The following CLEC12A variants were observed in gnomAD, a reference collection of about 807,000 sequenced individuals.
CLEC12A encodes the protein C-type lectin protein CLL-1.
Under a neutral mutation model 26.5 loss-of-function variants are expected in CLEC12A, and 22 were observed. That is an observed-to-expected ratio of 0.83 (90% CI 0.59 to 1.19). The LOEUF (loss-of-function observed/expected upper bound fraction) is 1.19, where lower values mean the gene tolerates loss of function less well. Among genes scored for constraint, CLEC12A ranks in the 50% most tolerant of loss-of-function variants. CLEC12A has a pLI of 0.00. For synonymous variants in CLEC12A, 119 were observed against 101.9 expected, an observed-to-expected ratio of 1.17 and a Z score of -1.01; for missense variants, 353 against 315.6, an observed-to-expected ratio of 1.12 and a Z score of -0.90.
At chr12:9,999,221 T>G, downstream of CLEC12A, 1 of 611,594 alleles carries the variant, frequency 1.6e-6, no homozygotes, top group Middle Eastern at 2.6e-4. Context: ...GGTAGAACCA[T>G]GTGAGATGGG....
intron 1 of CLEC12A, among the ~76,000 whole-genome samples, chr12:9,965,923 G>A (rs546884749): frequency 3.2e-4 from 49 of 152,218 alleles, no homozygotes; most frequent in Non-Finnish European, 5.3e-4. Flanking sequence ...GGGTTAAGGT[G>A]GGGAGATACA....
chr12:9,951,660 T>C, intron 1 of CLEC12A: 3 of 404,476 alleles, frequency 7.4e-6, no homozygotes, highest in Non-Finnish European at 1.4e-5. Flanking sequence ...CTGTTTCAGT[T>C]TGGACTCTCT....
At chr12:9,977,209 T>A (rs1051312171) in intron 1 of CLEC12A, among the ~76,000 whole-genome samples, 4 of 152,212 alleles carry the variant, frequency 2.6e-5, no homozygotes, top group African/African-American at 4.8e-5. Flanking sequence ...CTTAGAAATG[T>A]ATACTTAATT....
At chr12:9,979,252 A>C (rs953431713) in intron 2 of CLEC12A, 84 bp from the exon 3 acceptor site, 3 of 1,163,548 alleles carry the variant, frequency 2.6e-6, no homozygotes, top group African/African-American at 3.1e-5. Context: ...CTACCCCTTT[A>C]ATCTTTATAC....
chr12:9,961,858 T>TTGCAG (rs1178429804), intron 1 of CLEC12A, among the ~76,000 whole-genome samples: 4 of 152,186 alleles, frequency 2.6e-5, no homozygotes, highest in African/African-American at 9.7e-5. Flanking sequence ...TCTAATCCCT[T>TTGCAG]TGCAGTGCCC....
chr12:9,992,977 T>C (rs1294536312), intron 4 of CLEC12A: 1 of 607,652 alleles, frequency 1.6e-6, no homozygotes, highest in East Asian at 2.7e-5. Flanking sequence ...GGCTTCTGTA[T>C]ATTCAAAGAA....
chr12:9,992,496 G>C (rs1864915233), intron 4 of CLEC12A: 1 of 152,094 alleles, frequency 6.6e-6, no homozygotes, highest in South Asian at 2.1e-4. Context: ...GCTGGTAAGA[G>C]AATAGTGAAT....
chr12:9,987,352 T>C (rs1864790472), downstream of CLEC12A, among the ~76,000 whole-genome samples: 1 of 152,210 alleles, frequency 6.6e-6, no homozygotes, highest in Non-Finnish European at 1.5e-5. Flanking sequence ...TAAAATTCCA[T>C]AGCAAGGCAG....
At chr12:9,961,792 A>G (rs998453599) in intron 1 of CLEC12A, among the ~76,000 whole-genome samples, 3 of 152,240 alleles carry the variant, frequency 2.0e-5, no homozygotes, top group Non-Finnish European at 4.4e-5. Context: ...CCAAATGATA[A>G]AAACTGGCCT....
At chr12:10,000,434 T>C (rs1022645555), downstream of CLEC12A, among the ~76,000 whole-genome samples, 6 of 152,192 alleles carry the variant, frequency 3.9e-5, no homozygotes, top group African/African-American at 1.4e-4. Flanking sequence ...ATAAAAGACA[T>C]TCCCTGATTT....
At chr12:9,970,627 G>T (rs1434072962), upstream of CLEC12A, among the ~76,000 whole-genome samples, 16 of 152,014 alleles carry the variant, frequency 1.1e-4, no homozygotes, top group Non-Finnish European at 1.2e-4. Context: ...CACAAATCTG[G>T]ACTTTGGAGA....
At chr12:9,994,015 A>G (rs1007769658) in intron 4 of CLEC12A, among the ~76,000 whole-genome samples, 1 of 152,254 alleles carries the variant, frequency 6.6e-6, no homozygotes, top group Admixed American at 6.5e-5. Context: ...AAAAATAGAC[A>G]AGAAAAATTG....
chr12:9,993,419 G>C, intron 4 of CLEC12A: 1 of 658,668 alleles, frequency 1.5e-6, no homozygotes. Context: ...AAAAAAAAAC[G>C]ATTCTCATTG....
At chr12:9,982,203 T>G (rs753416299) in intron 5 of CLEC12A, 74 bp downstream of exon 5, 4 of 750,790 alleles carry the variant, frequency 5.3e-6, no homozygotes, top group Non-Finnish European at 6.8e-6. Context: ...CACTGTAGAT[T>G]CAAATTAAAA....
intron 1 of CLEC12A, among the ~76,000 whole-genome samples, chr12:9,964,158 G>A (rs556300444): frequency 4.1e-4 from 62 of 152,296 alleles, no homozygotes; most frequent in Non-Finnish European, 1.9e-4. Context: ...TTTTAAGTAA[G>A]TGTGGAGGAG....
At position 9,982,058 on chromosome 12, in the gene CLEC12A, G is replaced by A; in HGVS notation, c.570G>A (p.Trp190Ter). The A allele has an allele frequency of 1.3e-6, 2 of 1,597,058 alleles. No homozygotes were observed. Among genetic ancestry groups the A allele is most frequent in the Non-Finnish European group, 1.7e-6 (2 of 1,165,564 alleles). ...CCCAGAGTAGATCATATGACTATTG[G>A]CTGGGATTATCTCCTGAAGAAGATT... ...IKSQSRSYDYWLGLSPEEDST... is the reference protein window; with the variant it reads ...IKSQSRSYDY The change falls in exon 5 of 6, where the codon TGG becomes TGA. Residue 190 changes from tryptophan (W) to a stop codon, truncating the protein, a stop_gained. Coordinates refer to ENST00000304361, the MANE Select transcript of CLEC12A (RefSeq NM_138337.6). LOFTEE classifies it high-confidence loss of function.
At chr12:9,994,953 G>T in intron 4 of CLEC12A, 1 of 1,452,288 alleles carries the variant, frequency 6.9e-7, no homozygotes, top group Non-Finnish European at 9.2e-7. Context: ...CTTAGATAAA[G>T]AGCAAAGTAA....
Position 9,971,673 on chromosome 12 carries a change from A to G in CLEC12A, c.77A>G (p.Lys26Arg), listed in dbSNP as rs756976989. The G allele has an allele frequency of 2.5e-6, 4 of 1,609,760 alleles. No homozygotes were observed. Among genetic ancestry groups the G allele is most frequent in the Admixed American group, 3.4e-5 (2 of 59,562 alleles). ...SEMEKIPEIG[K>R]FGEKAPPAPS... is the part of the protein sequence containing the mutation. ...ATGGAAAAAATCCCAGAAATTGGCAAATTTGGGGAAAAAGGTAAGATTTTG... is the reference window on the plus strand; with the variant it reads ...ATGGAAAAAATCCCAGAAATTGGCAGATTTGGGGAAAAAGGTAAGATTTTG... The change falls in exon 1 of 6, where the codon AAA (lysine) becomes AGA (arginine). Residue 26 changes from lysine to arginine, a missense_variant. Physicochemically the swap from Lys to Arg is conservative, Grantham distance 26 (BLOSUM62 2). Coordinates refer to ENST00000304361, the MANE Select transcript of CLEC12A (RefSeq NM_138337.6).
chr12:10,000,467 T>C (rs911065403), downstream of CLEC12A, among the ~76,000 whole-genome samples: 5 of 152,146 alleles, frequency 3.3e-5, no homozygotes, highest in African/African-American at 4.8e-5. Context: ...CTTAGTATGA[T>C]TCAAATATTT....
Sources: gnomAD v4.1 joint callset for allele counts (sites outside exome capture counted in the v4.1 genomes callset) on GRCh38, gnomAD v4.1.1 for gene constraint, MANE v1.5 for transcripts, NCBI Gene and HGNC (gene_info 2026-07-23, HGNC 2026-07-21) for gene names.